MAGI1: variants seen among roughly 807,000 people sequenced by gnomAD.
MAGI1 encodes membrane associated guanylate kinase, WW and PDZ domain containing 1.
In MAGI1, 58 loss-of-function variants were observed where a neutral mutation model predicts 139.9. That is an observed-to-expected ratio of 0.41 (90% confidence interval 0.34 to 0.52). The LOEUF (loss-of-function observed/expected upper bound fraction) is 0.52. Ranked by LOEUF, MAGI1 falls within the 20% of genes least tolerant of loss-of-function variation. The pLI, the probability that MAGI1 is intolerant of heterozygous loss-of-function variation, is 0.12. For synonymous variants in MAGI1, 812 were observed against 737.9 expected, an observed-to-expected ratio of 1.10 and a Z score of -1.63; for missense variants, 1,874 against 1,901.6, an observed-to-expected ratio of 0.99 and a Z score of 0.27.
Position 65,778,438 on chromosome 3 carries a change from AAAAAAAT to A in MAGI1, c.314-156357_314-156351del, listed in dbSNP as rs1340391433. 2.3e-5 allele frequency among the ~76,000 whole-genome samples: 3 copies of A among 131,330 alleles called. 1 individual carries two copies. Among genetic ancestry groups the A allele is most frequent in the Admixed American group, 1.6e-4 (2 of 12,878 alleles). 86.2% of individuals were successfully genotyped at this position (131,330 alleles called of 152,430 possible). ...AGAGTGAAACTCTGTCTCAAAAAAA[AAAAAAAT>A]AAATAAATAAGTCTTTTGAGAAATG... On this transcript the variant is annotated intron_variant, in intron 1 of 22. Transcript: ENST00000402939.
At chr3:65,509,211 G>C (rs1027276100) in intron 2 of MAGI1, among the ~76,000 whole-genome samples, 2 of 152,164 alleles carry the variant, frequency 1.3e-5, no homozygotes, top group African/African-American at 4.8e-5. Flanking sequence ...ACAAAACACA[G>C]GTATTTAAAT....
intron 1 of MAGI1, among the ~76,000 whole-genome samples, chr3:65,750,052 G>A (rs1184982257): frequency 4.0e-5 from 6 of 148,552 alleles, no homozygotes; most frequent in Non-Finnish European, 8.8e-5. Context: ...CTCTGGTTAA[G>A]GGCAGGCAGA....
chr3:66,004,452 G>A (rs1170942691), intron 1 of MAGI1, among the ~76,000 whole-genome samples: 1 of 152,156 alleles, frequency 6.6e-6, no homozygotes, highest in Non-Finnish European at 1.5e-5. Flanking sequence ...TAGCATGGTG[G>A]CTGGGATCCA....
intron 1 of MAGI1, among the ~76,000 whole-genome samples, chr3:65,667,731 T>C (rs1174002608): frequency 1.3e-5 from 2 of 152,060 alleles, no homozygotes; most frequent in African/African-American, 4.8e-5. Flanking sequence ...ACTCAGCTAA[T>C]ATTTGCATTT....
intron 1 of MAGI1, among the ~76,000 whole-genome samples, chr3:65,659,348 G>T (rs1316110740): frequency 2.0e-5 from 3 of 152,124 alleles, no homozygotes; most frequent in South Asian, 4.1e-4. Flanking sequence ...GAGTTGATAA[G>T]ACCCTGAAAA....
intron 1 of MAGI1, among the ~76,000 whole-genome samples, chr3:65,808,569 T>TTCCA (rs1255385878): frequency 6.6e-6 from 1 of 152,202 alleles, no homozygotes. Context: ...CCTCATTTAC[T>TTCCA]TCCAGCACAA....
At chr3:65,994,290 A>AC (rs2066329494) in intron 1 of MAGI1, among the ~76,000 whole-genome samples, 4 of 151,478 alleles carry the variant, frequency 2.6e-5, no homozygotes, top group East Asian at 1.9e-4. Flanking sequence ...AAAAAAAAAA[A>AC]CACTGGTAAA....
At chr3:65,999,545 A>C (rs2066630954) in intron 1 of MAGI1, among the ~76,000 whole-genome samples, 1 of 152,182 alleles carries the variant, frequency 6.6e-6, no homozygotes, top group African/African-American at 2.4e-5. Flanking sequence ...ATATGGTGAA[A>C]TATTCCATGA....
At chr3:65,608,457 A>G (rs2082866988) in intron 2 of MAGI1, among the ~76,000 whole-genome samples, 3 of 152,108 alleles carry the variant, frequency 2.0e-5, no homozygotes. Context: ...AAAACAAAAA[A>G]CGGACAAATG....
In MAGI1 at chr3:65,703,267, C is replaced by T. The variant is rs2089740765; in HGVS notation, c.314-81179G>A. Among the ~76,000 whole-genome samples, 7 of 152,192 alleles carry T rather than the reference C, an allele frequency of 4.6e-5. No homozygotes were observed. In the South Asian group the frequency reaches 1.4e-3, roughly 32 times the overall value. The stretch of plus-strand genomic sequence containing the variant: ...AGTTTAACTAGAGTAATGAACACCA[C>T]AAGGGCATCTGCTGGACGCAGGAGT... On this transcript the variant is annotated intron_variant, in intron 1 of 22. Coordinates refer to ENST00000402939, the MANE Select transcript of MAGI1 (RefSeq NM_001033057.2).
Position 65,530,740 on chromosome 3 carries a change from TGC to T in MAGI1, c.431-37111_431-37110del, listed in dbSNP as rs1336799198. Among the ~76,000 whole-genome samples the T allele has an allele frequency of 1.7e-3, 163 of 97,496 alleles. 10 individuals are homozygous for T. In the Admixed American group the frequency reaches 0.018, roughly 11 times the overall value. 64.0% of individuals were successfully genotyped at this position (97,496 alleles called of 152,430 possible). On this transcript the variant is annotated intron_variant, in intron 2 of 22. Transcript: ENST00000402939. The stretch of plus-strand genomic sequence containing the variant: ...ATATATATACACACGTATATATATA[TGC>T]ACATATATATACACGTATATATATA...
At chr3:65,504,313 T>C (rs572175515) in intron 2 of MAGI1, among the ~76,000 whole-genome samples, 17 of 152,322 alleles carry the variant, frequency 1.1e-4, no homozygotes, top group African/African-American at 4.1e-4. Context: ...ATTAGAAAAT[T>C]ATGTTCATTT....
At chr3:66,013,764 A>G (rs2067472810) in intron 1 of MAGI1, among the ~76,000 whole-genome samples, 1 of 151,328 alleles carries the variant, frequency 6.6e-6, no homozygotes, top group Non-Finnish European at 1.5e-5. Context: ...CTGTCTCAAA[A>G]AAAAAAAAAA....
chr3:65,882,369 A>G (rs1455293544), intron 1 of MAGI1, among the ~76,000 whole-genome samples: 3 of 152,218 alleles, frequency 2.0e-5, no homozygotes, highest in African/African-American at 7.2e-5. Context: ...AAGACCTAGG[A>G]GGCAGGAACT....
At chr3:65,867,607 C>G (rs962014078) in intron 1 of MAGI1, among the ~76,000 whole-genome samples, 1 of 152,088 alleles carries the variant, frequency 6.6e-6, no homozygotes, top group East Asian at 1.9e-4. Context: ...TAGTGGCCCA[C>G]GCCTAAAGTC....
intron 10 of MAGI1, among the ~76,000 whole-genome samples, chr3:65,435,055 G>T (rs943106241): frequency 6.6e-6 from 1 of 152,168 alleles, no homozygotes; most frequent in Non-Finnish European, 1.5e-5. Flanking sequence ...TATAAACCAC[G>T]AAGTGGACCC....
At chr3:65,966,043 T>G (rs1011085433) in intron 1 of MAGI1, among the ~76,000 whole-genome samples, 1 of 152,218 alleles carries the variant, frequency 6.6e-6, no homozygotes, top group Non-Finnish European at 1.5e-5. Context: ...AATGACCAAC[T>G]GGAGTGTGGT....
intron 1 of MAGI1, among the ~76,000 whole-genome samples, chr3:65,667,244 A>C (rs753905265): frequency 1.4e-4 from 22 of 152,214 alleles, no homozygotes; most frequent in Non-Finnish European, 4.4e-5. Flanking sequence ...AAGTAGGACT[A>C]CAGTATGTGG....
At chr3:65,520,721 T>C (rs1318386630) in intron 2 of MAGI1, among the ~76,000 whole-genome samples, 5 of 152,272 alleles carry the variant, frequency 3.3e-5, no homozygotes, top group Admixed American at 1.3e-4. Flanking sequence ...AAAAGAGTTA[T>C]AGTCCCAGGA....
Sources: gnomAD v4.1 joint callset for allele counts (sites outside exome capture counted in the v4.1 genomes callset) on GRCh38, gnomAD v4.1.1 for gene constraint, MANE v1.5 for transcripts, NCBI Gene and HGNC (gene_info 2026-07-23, HGNC 2026-07-21) for gene names.